RIN2: variants seen among roughly 807,000 people sequenced by gnomAD.
The protein encoded by RIN2 is RAB5 interacting protein 2.
A neutral mutation model predicts 78.0 loss-of-function variants in RIN2; 36 were observed. The ratio of observed to expected loss-of-function variants is 0.46; its 90% CI spans 0.35 to 0.61. The LOEUF (loss-of-function observed/expected upper bound fraction) is 0.61. Ranked by LOEUF, RIN2 falls within the 20% of genes least tolerant of loss-of-function variation. The pLI is 0.00. For missense variants in RIN2, 1,087 were observed against 1,159.7 expected (o/e 0.94, Z 0.91); for synonymous variants, 466 against 466.8 (o/e 1.00, Z 0.02).
At chr20:19,789,257 A>G (rs186391346) in intron 1 of RIN2, among the ~76,000 whole-genome samples, 13 of 152,382 alleles carry the variant, frequency 8.5e-5, no homozygotes, top group Admixed American at 2.6e-4. Flanking sequence ...GCCATACACA[A>G]AAATGATTTT....
At chr20:19,808,990 G>A (rs1014497601) in intron 2 of RIN2, among the ~76,000 whole-genome samples, 2 of 152,212 alleles carry the variant, frequency 1.3e-5, no homozygotes, top group Admixed American at 6.5e-5. Context: ...CTGGTGGGGG[G>A]CCTCATGTCA....
At chr20:19,805,361 A>G (rs1429918221) in intron 2 of RIN2, among the ~76,000 whole-genome samples, 1 of 152,172 alleles carries the variant, frequency 6.6e-6, no homozygotes, top group African/African-American at 2.4e-5. Flanking sequence ...TAGTCCAACT[A>G]TGGGACTCAG....
At chr20:19,911,927 G>A (rs1306331964) in intron 3 of RIN2, among the ~76,000 whole-genome samples, 1 of 152,026 alleles carries the variant, frequency 6.6e-6, no homozygotes, top group African/African-American at 2.4e-5. Flanking sequence ...GCGTACAGAT[G>A]TGCAGCCAGC....
chr20:19,979,027 GT>G (rs1235264451), intron 9 of RIN2, among the ~76,000 whole-genome samples: 1 of 152,192 alleles, frequency 6.6e-6, no homozygotes, highest in Non-Finnish European at 1.5e-5. Flanking sequence ...TCTTGCTTTA[GT>G]CTTTTTCAAC....
chr20:19,829,507 C>T (rs1233398903), intron 2 of RIN2, among the ~76,000 whole-genome samples: 1 of 152,142 alleles, frequency 6.6e-6, no homozygotes, highest in Non-Finnish European at 1.5e-5. Flanking sequence ...GTATACTGGG[C>T]TTCTATAGGC....
chr20:19,960,274 C>T (rs2041696032), intron 5 of RIN2, among the ~76,000 whole-genome samples: 1 of 152,206 alleles, frequency 6.6e-6, no homozygotes, highest in South Asian at 2.1e-4. Flanking sequence ...GCCAAGTTAA[C>T]CAATGAAATG....
chr20:19,826,686 C>T (rs2036097889), intron 2 of RIN2, among the ~76,000 whole-genome samples: 1 of 152,186 alleles, frequency 6.6e-6, no homozygotes, highest in Admixed American at 6.5e-5. Context: ...TCTGTTCAAT[C>T]CTTATCCTGG....
chr20:19,926,718 G>A (rs972971477), intron 3 of RIN2, among the ~76,000 whole-genome samples: 3 of 152,136 alleles, frequency 2.0e-5, no homozygotes, highest in African/African-American at 7.2e-5. Flanking sequence ...TTCCATAGCT[G>A]GGAGCCAAGG....
chr20:19,859,895 C>A (rs997876193), intron 2 of RIN2, among the ~76,000 whole-genome samples: 1 of 152,134 alleles, frequency 6.6e-6, no homozygotes, highest in Non-Finnish European at 1.5e-5. Flanking sequence ...GGGAGATGAT[C>A]CCCAGAAGCA....
chr20:19,924,472 AC>A (rs142215451), intron 3 of RIN2, among the ~76,000 whole-genome samples: 12 of 64,312 alleles, frequency 1.9e-4, no homozygotes, highest in East Asian at 4.4e-4. Context: ...TCACCTTCAT[AC>A]CCCCACCTTC....
intron 3 of RIN2, among the ~76,000 whole-genome samples, chr20:19,893,432 A>T (rs1474685664): frequency 6.6e-6 from 1 of 152,178 alleles, no homozygotes; most frequent in African/African-American, 2.4e-5. Flanking sequence ...ATTGGAAGGC[A>T]ATCATTGGAC....
chr20:19,984,581 A>G (rs1568706335), intron 9 of RIN2, among the ~76,000 whole-genome samples: 1 of 152,192 alleles, frequency 6.6e-6, no homozygotes, highest in Non-Finnish European at 1.5e-5. Flanking sequence ...AGCCTGGCCA[A>G]CATGGTGAAA....
chr20:19,766,372 C>A (rs115415376), intron 1 of RIN2, among the ~76,000 whole-genome samples: 1 of 152,152 alleles, frequency 6.6e-6, no homozygotes, highest in South Asian at 2.1e-4. Flanking sequence ...CTCTTTTAAA[C>A]TGTGCTTCCA....
At chr20:19,950,801 T>G (rs1472527761) in intron 4 of RIN2, among the ~76,000 whole-genome samples, 1 of 151,926 alleles carries the variant, frequency 6.6e-6, no homozygotes, top group Non-Finnish European at 1.5e-5. Context: ...CCTCCACTTC[T>G]CGGGTTCAAA....
chr20:19,766,547 A>G (rs2033892791), intron 1 of RIN2, among the ~76,000 whole-genome samples: 1 of 152,140 alleles, frequency 6.6e-6, no homozygotes, highest in Non-Finnish European at 1.5e-5. Flanking sequence ...ACAATGGAAG[A>G]GATGTCTAAG....
intron 1 of RIN2, among the ~76,000 whole-genome samples, chr20:19,797,782 T>A (rs1288288925): frequency 2.0e-5 from 3 of 151,990 alleles, no homozygotes; most frequent in Non-Finnish European, 2.9e-5. Flanking sequence ...TTGACGGTGG[T>A]GGCAGTTCAC....
chr20:19,864,353 T>C (rs2037435060), intron 2 of RIN2, among the ~76,000 whole-genome samples: 1 of 152,206 alleles, frequency 6.6e-6, no homozygotes, highest in African/African-American at 2.4e-5. Flanking sequence ...TGTTTGTGGT[T>C]AGGATTTTCC....
At chr20:19,921,050 G>C (rs1219625584) in intron 3 of RIN2, among the ~76,000 whole-genome samples, 1 of 152,162 alleles carries the variant, frequency 6.6e-6, no homozygotes, top group African/African-American at 2.4e-5. Flanking sequence ...GCCTCTGGGA[G>C]TGCCACTGAT....
At chr20:19,994,713 T>C (rs921462169) in intron 11 of RIN2, among the ~76,000 whole-genome samples, 25 of 152,210 alleles carry the variant, frequency 1.6e-4, no homozygotes, top group African/African-American at 5.1e-4. Context: ...TGAATACTTA[T>C]GTTCATATTG....
Sources: allele counts gnomAD v4.1 joint callset (sites outside exome capture counted in the v4.1 genomes callset), GRCh38; gene constraint gnomAD v4.1.1; transcripts MANE v1.5; gene names NCBI Gene and HGNC (gene_info 2026-07-23, HGNC 2026-07-21).